SNTG1: variants seen among roughly 807,000 people sequenced by gnomAD.
The protein encoded by SNTG1 is gamma-1-syntrophin.
SNTG1 carries 39 observed loss-of-function variants against 74.7 expected under a neutral mutation model. The ratio of observed to expected loss-of-function variants is 0.52; its 90% CI spans 0.40 to 0.68. The LOEUF is 0.68. SNTG1 is among the 30% of genes least tolerant of loss of function. The pLI is 0.00. For synonymous variants in SNTG1, 254 were observed against 217.1 expected (o/e 1.17, Z -1.49); for missense variants, 685 against 609.5 (o/e 1.12, Z -1.30).
At chr8:50,281,698 A>G (rs2088464049) in intron 2 of SNTG1, among the ~76,000 whole-genome samples, 1 of 152,182 alleles carries the variant, frequency 6.6e-6, no homozygotes, top group Non-Finnish European at 1.5e-5. Context: ...TAATAGGTAT[A>G]CTATAATTTT....
At chr8:50,426,323 A>G (rs746339419) in intron 4 of SNTG1, among the ~76,000 whole-genome samples, 1 of 152,190 alleles carries the variant, frequency 6.6e-6, no homozygotes, top group Admixed American at 6.5e-5. Context: ...AGGGCCACAT[A>G]TATTACAGCG....
intron 2 of SNTG1, among the ~76,000 whole-genome samples, chr8:50,301,400 A>G (rs1369603895): frequency 6.6e-6 from 1 of 152,120 alleles, no homozygotes; most frequent in Non-Finnish European, 1.5e-5. Flanking sequence ...TGAATTCCAG[A>G]ATTTCAACTT....
chr8:50,403,513 A>G (rs1192400369), intron 4 of SNTG1, among the ~76,000 whole-genome samples: 1 of 152,216 alleles, frequency 6.6e-6, no homozygotes, highest in East Asian at 1.9e-4. Context: ...AACCCTCTAG[A>G]ATAAATATAT....
At chr8:49,960,261 T>C (rs1012350697) in intron 1 of SNTG1, among the ~76,000 whole-genome samples, 4 of 152,230 alleles carry the variant, frequency 2.6e-5, no homozygotes, top group Admixed American at 6.5e-5. Context: ...ATCGATTTAA[T>C]GTAACAACAA....
intron 9 of SNTG1, among the ~76,000 whole-genome samples, chr8:50,522,505 C>T (rs528595029): frequency 6.6e-6 from 1 of 151,640 alleles, no homozygotes; most frequent in South Asian, 2.1e-4. Flanking sequence ...AAATGGAATT[C>T]AACTGATAGC....
intron 15 of SNTG1, among the ~76,000 whole-genome samples, chr8:50,688,226 A>G (rs1362257296): frequency 6.6e-6 from 1 of 152,094 alleles, no homozygotes. Flanking sequence ...CTCTGATGGT[A>G]GTTTCTTTTG....
At chr8:50,540,346 A>G (rs1197577525) in intron 11 of SNTG1, among the ~76,000 whole-genome samples, 5 of 152,112 alleles carry the variant, frequency 3.3e-5, no homozygotes, top group South Asian at 2.1e-4. Context: ...TGCTATTTCT[A>G]TTTAGTATAA....
rs537283139 is a variant in SNTG1, at chr8:50,630,476, C to T, written c.850-26433C>T. Among the ~76,000 whole-genome samples the T allele has an allele frequency of 8.7e-4, 133 of 152,246 alleles. 1 individual carries two copies. The South Asian group carries it at 0.027, about 31-fold the overall frequency. ...CTTCAGTTCTTACTGGCCAAATGTC[C>T]TCAGTAGTTGAGCTATACTTTGTCT... On this transcript the variant is annotated intron_variant, in intron 13 of 18. Coordinates refer to ENST00000642720, the MANE Select transcript of SNTG1 (RefSeq NM_018967.5).
At chr8:50,672,103 G>C (rs1045659503) in intron 15 of SNTG1, among the ~76,000 whole-genome samples, 7 of 150,196 alleles carry the variant, frequency 4.7e-5, no homozygotes, top group South Asian at 2.1e-4. Flanking sequence ...TAAATGACAA[G>C]TTAATGGGTG....
intron 15 of SNTG1, among the ~76,000 whole-genome samples, chr8:50,682,947 T>C (rs529148228): frequency 4.6e-5 from 7 of 152,312 alleles, no homozygotes; most frequent in African/African-American, 9.6e-5. Flanking sequence ...TTTTTCCTAT[T>C]ATGCTTTATA....
chr8:50,687,770 G>A (rs1332136370), intron 15 of SNTG1, among the ~76,000 whole-genome samples: 1 of 151,916 alleles, frequency 6.6e-6, no homozygotes, highest in Non-Finnish European at 1.5e-5. Context: ...CTCTTCCTGT[G>A]TCCATGTGTT....
chr8:50,093,887 A>C (rs993045022), intron 1 of SNTG1, among the ~76,000 whole-genome samples: 1 of 152,186 alleles, frequency 6.6e-6, no homozygotes, highest in African/African-American at 2.4e-5. Context: ...ATGTGAAAGA[A>C]ATAGCAGATT....
At chr8:50,647,825 TCTC>T (rs1416910491) in intron 13 of SNTG1, among the ~76,000 whole-genome samples, 3 of 152,072 alleles carry the variant, frequency 2.0e-5, no homozygotes, top group Non-Finnish European at 4.4e-5. Context: ...TTAGGGAAAT[TCTC>T]CTTTTAATTC....
intron 1 of SNTG1, among the ~76,000 whole-genome samples, chr8:50,172,328 T>TTAGAACTAATAACC (rs1358740462): frequency 1.3e-5 from 2 of 152,182 alleles, no homozygotes; most frequent in Non-Finnish European, 2.9e-5. Context: ...GAACTTAATC[T>TTAGAACTAATAACC]TGTGGCATTA....
At chr8:50,055,883 G>A (rs1042097820) in intron 1 of SNTG1, among the ~76,000 whole-genome samples, 2 of 151,930 alleles carry the variant, frequency 1.3e-5, no homozygotes, top group Non-Finnish European at 2.9e-5. Context: ...GACTTAATAG[G>A]CCCTGTTTTT....
At chr8:50,298,023 G>A (rs2130634931) in intron 2 of SNTG1, among the ~76,000 whole-genome samples, 1 of 42,052 alleles carries the variant, frequency 2.4e-5, no homozygotes, top group Non-Finnish European at 4.8e-5. Flanking sequence ...TCACAATCCT[G>A]TTGAAAAGCT....
chr8:50,149,660 AT>A (rs2081996004), intron 1 of SNTG1, among the ~76,000 whole-genome samples: 1 of 152,196 alleles, frequency 6.6e-6, no homozygotes, highest in South Asian at 2.1e-4. Context: ...TCCTTTCCCC[AT>A]TTCTTGTTTT....
chr8:49,971,318 C>T lies in SNTG1; in HGVS notation c.-103+59087C>T, dbSNP rs111476596. Among the ~76,000 whole-genome samples, 12 of 152,068 alleles carry T rather than the reference C, an allele frequency of 7.9e-5. No individual in the cohort carries two copies. The East Asian group carries it at 1.2e-3, about 15-fold the overall frequency. The stretch of plus-strand genomic sequence containing the variant: ...AAGGCCTTTGAAAAATTTCAACAAC[C>T]CTTCATGCTGAAAACTCTCAATAAA... On this transcript the variant is annotated intron_variant, in intron 1 of 18. Transcript: ENST00000642720.
intron 3 of SNTG1, 140 bp downstream of exon 3, chr8:50,394,405 C>T (rs1249748182): frequency 3.5e-5 from 26 of 744,522 alleles, no homozygotes; most frequent in East Asian, 2.9e-4. Context: ...TTCCAGATTA[C>T]GTTCTCCTTC....
Sources: gnomAD v4.1 joint callset for allele counts (sites outside exome capture counted in the v4.1 genomes callset) on GRCh38, gnomAD v4.1.1 for gene constraint, MANE v1.5 for transcripts, NCBI Gene and HGNC (gene_info 2026-07-23, HGNC 2026-07-21) for gene names.